Variants in TANC2 observed in about 807,000 individuals in gnomAD.
TANC2 encodes tetratricopeptide repeat, ankyrin repeat and coiled-coil containing 2.
TANC2 carries 26 observed loss-of-function variants against 210.5 expected under a neutral mutation model. The observed-to-expected ratio is 0.12, with a 90% CI of 0.09 to 0.17. The LOEUF is 0.17. Ranked by LOEUF, TANC2 falls within the 10% of genes least tolerant of loss-of-function variation. TANC2 has a pLI of 1.00. For missense variants in TANC2, 2,129 were observed against 2,608.9 expected, an observed-to-expected ratio of 0.82 and a Z score of 4.01; for synonymous variants, 931 against 967.1, an observed-to-expected ratio of 0.96 and a Z score of 0.69.
At chr17:63,264,403 G>T (rs980198790) in intron 8 of TANC2, among the ~76,000 whole-genome samples, 3 of 152,098 alleles carry the variant, frequency 2.0e-5, no homozygotes, top group African/African-American at 7.2e-5. Context: ...GGCATGTTTT[G>T]GGGAGCAGCA....
At chr17:63,372,559 A>G (rs1392133054) in intron 14 of TANC2, among the ~76,000 whole-genome samples, 2 of 152,232 alleles carry the variant, frequency 1.3e-5, no homozygotes, top group African/African-American at 4.8e-5. Flanking sequence ...AATATAAAAT[A>G]AAATGCATTC....
intron 1 of TANC2, among the ~76,000 whole-genome samples, chr17:62,992,635 A>C (rs1460664942): frequency 1.3e-5 from 2 of 152,252 alleles, no homozygotes; most frequent in Non-Finnish European, 2.9e-5. Context: ...CATATAATAC[A>C]GTAAATGATT....
At position 63,376,095 on chromosome 17, in the gene TANC2, AAAAAT is replaced by A. The variant is rs1190950238; in HGVS notation, c.2583-3615_2583-3611del. 2.0e-5 allele frequency among the ~76,000 whole-genome samples: 3 copies of A among 152,188 alleles called. No homozygotes were observed. The East Asian group carries it at 5.8e-4, about 29-fold the overall frequency. On this transcript the variant is annotated intron_variant, in intron 14 of 27. Transcript: ENST00000689528. ...GAGCGAGACTTCATCTCAAAAAGAAAAAAATAAAATAACCTATCACCTAAACTGAG... is the reference window on the plus strand; with the variant it reads ...GAGCGAGACTTCATCTCAAAAAGAAAAAAATAACCTATCACCTAAACTGAG...
chr17:63,334,014 G>C (rs577792898), intron 11 of TANC2: 1 of 152,152 alleles, frequency 6.6e-6, no homozygotes, highest in Non-Finnish European at 1.5e-5. Flanking sequence ...CAAAAAAATT[G>C]AGTGACTCAC....
At chr17:63,342,153 T>G (rs1228353055) in intron 12 of TANC2, among the ~76,000 whole-genome samples, 1 of 152,112 alleles carries the variant, frequency 6.6e-6, no homozygotes, top group African/African-American at 2.4e-5. Context: ...CCAAATAACA[T>G]TAGATCCTTT....
At chr17:63,135,663 G>A (rs551254978) in intron 4 of TANC2, among the ~76,000 whole-genome samples, 14 of 152,032 alleles carry the variant, frequency 9.2e-5, no homozygotes, top group Middle Eastern at 3.4e-3. Context: ...TTTTTCCTAT[G>A]ATGAACCATG....
At chr17:62,993,630 A>T (rs1052605751) in intron 1 of TANC2, among the ~76,000 whole-genome samples, 1 of 152,208 alleles carries the variant, frequency 6.6e-6, no homozygotes. Flanking sequence ...CTAAAGAAAT[A>T]CAACTAATTT....
chr17:63,427,073 T>G (rs893496439), exon 28 of TANC2: 3 of 152,250 alleles, frequency 2.0e-5, no homozygotes, highest in East Asian at 1.9e-4. Context: ...GTTCTGGTTT[T>G]GTTTTGTTTT....
rs118164570 is a variant in TANC2, at chr17:63,134,751, A to G, written c.323-16519A>G. 2.3e-3 allele frequency among the ~76,000 whole-genome samples: 350 copies of G among 152,336 alleles called. 1 individual carries two copies. Among genetic ancestry groups the G allele is most frequent in the Non-Finnish European group, 4.3e-3 (290 of 68,026 alleles). On this transcript the variant is annotated intron_variant, in intron 4 of 27. Transcript: ENST00000689528. ...GACTACATGATAGGCTGTGTAGCAC[A>G]AGTCTTGCTTAAAAGCCCCTCCATT...
chr17:63,256,521 T>C (rs1316260337), intron 8 of TANC2, among the ~76,000 whole-genome samples: 1 of 152,202 alleles, frequency 6.6e-6, no homozygotes, highest in Non-Finnish European at 1.5e-5. Context: ...ACATATGGTC[T>C]GCCCTTGAGA....
chr17:63,391,177 A>G (rs1271485094), intron 17 of TANC2: 5 of 152,112 alleles, frequency 3.3e-5, no homozygotes, highest in African/African-American at 1.2e-4. Flanking sequence ...GTAGAAACCT[A>G]CCTAACCTAA....
intron 10 of TANC2, among the ~76,000 whole-genome samples, chr17:63,317,053 T>C (rs1160902851): frequency 1.3e-5 from 2 of 152,078 alleles, no homozygotes; most frequent in Non-Finnish European, 2.9e-5. Flanking sequence ...CCTCACTGGC[T>C]TTCTTAATCC....
chr17:62,996,939 A>G (rs9902905), intron 1 of TANC2, among the ~76,000 whole-genome samples: 40 of 126,242 alleles, frequency 3.2e-4, no homozygotes, highest in Middle Eastern at 4.0e-3. Flanking sequence ...TCAGCCTCCC[A>G]AGTAGCTGCG....
At chr17:63,289,998 T>C (rs886966407) in intron 9 of TANC2, among the ~76,000 whole-genome samples, 18 of 152,330 alleles carry the variant, frequency 1.2e-4, no homozygotes, top group African/African-American at 4.3e-4. Context: ...GGTATTTCCC[T>C]TCTCCCACAA....
At chr17:63,314,865 C>T (rs865954059) in intron 10 of TANC2, among the ~76,000 whole-genome samples, 196 bp downstream of exon 10, 5 of 152,126 alleles carry the variant, frequency 3.3e-5, no homozygotes, top group Admixed American at 2.0e-4. Context: ...GTCACCTAAG[C>T]GTGACTGAAG....
chr17:63,040,039 A>G (rs1221791991), intron 2 of TANC2, among the ~76,000 whole-genome samples: 2 of 152,168 alleles, frequency 1.3e-5, no homozygotes, highest in East Asian at 3.9e-4. Context: ...CTCTTTCCCT[A>G]TATTGTTCAT....
At chr17:63,195,666 A>G (rs1041063867) in intron 6 of TANC2, among the ~76,000 whole-genome samples, 1 of 152,132 alleles carries the variant, frequency 6.6e-6, no homozygotes, top group African/African-American at 2.4e-5. Flanking sequence ...TATATGAATA[A>G]ATGGTCTCCT....
At chr17:63,204,040 C>T (rs895368292) in intron 7 of TANC2, among the ~76,000 whole-genome samples, 10 of 149,944 alleles carry the variant, frequency 6.7e-5, no homozygotes, top group African/African-American at 1.5e-4. Flanking sequence ...ATGTTAATGC[C>T]GTGACTGCAA....
At chr17:63,067,156 A>G (rs2036230008) in intron 2 of TANC2, among the ~76,000 whole-genome samples, 2 of 152,224 alleles carry the variant, frequency 1.3e-5, no homozygotes, top group African/African-American at 4.8e-5. Flanking sequence ...AACATTCATA[A>G]TGTCCGGATG....
Sources: gnomAD v4.1 joint callset for allele counts (sites outside exome capture counted in the v4.1 genomes callset) on GRCh38, gnomAD v4.1.1 for gene constraint, MANE v1.5 for transcripts, NCBI Gene and HGNC (gene_info 2026-07-23, HGNC 2026-07-21) for gene names.